Variants in CCDC15 observed in about 807,000 individuals in gnomAD.
CCDC15 encodes the protein coiled-coil domain-containing protein 15.
In CCDC15, 105 loss-of-function variants were observed where a neutral mutation model predicts 114.5. That is an observed-to-expected ratio of 0.92 (90% CI 0.78 to 1.08). The LOEUF (loss-of-function observed/expected upper bound fraction) is 1.08, where lower values mean the gene tolerates loss of function less well. Among genes scored for constraint, CCDC15 ranks in the 50% least tolerant of loss-of-function variants. CCDC15 has a pLI of 0.00. For missense variants in CCDC15, 1,105 were observed against 1,093.6 expected (o/e 1.01, Z -0.15); for synonymous variants, 334 against 377.8 (o/e 0.88, Z 1.34).
At chr11:124,990,241 A>G (rs2135489700) in intron 8 of CCDC15, among the ~76,000 whole-genome samples, 1 of 152,292 alleles carries the variant, frequency 6.6e-6, no homozygotes, top group South Asian at 2.1e-4. Context: ...AACAGTGAGA[A>G]CACACACAAC....
intron 4 of CCDC15, among the ~76,000 whole-genome samples, chr11:124,974,223 C>T (rs12281295): frequency 0.2 from 30,858 of 152,018 alleles, 3,715 homozygotes; most frequent in African/African-American, 0.33. Context: ...TCAGGTGATC[C>T]GCCTGCCTTG....
chr11:124,954,546 C>T (rs1315908799), intron 1 of CCDC15, among the ~76,000 whole-genome samples, 176 bp downstream of exon 1: 1 of 152,182 alleles, frequency 6.6e-6, no homozygotes, highest in African/African-American at 2.4e-5. Context: ...TTATTTCTTC[C>T]CATTTCTCTT....
chr11:125,003,152 CTGTAAA>C (rs902432184), intron 11 of CCDC15, among the ~76,000 whole-genome samples: 7 of 151,970 alleles, frequency 4.6e-5, no homozygotes, highest in Admixed American at 2.6e-4. Flanking sequence ...TTTGAAGATA[CTGTAAA>C]TGTAAATTTT....
chr11:124,958,890 C>T (rs1055342021), intron 2 of CCDC15, among the ~76,000 whole-genome samples: 12 of 151,980 alleles, frequency 7.9e-5, no homozygotes, highest in Admixed American at 3.3e-4. Flanking sequence ...AAATGTGTAA[C>T]GTGTTAGGTT....
intron 4 of CCDC15, among the ~76,000 whole-genome samples, chr11:124,968,200 G>C (rs1403662665): frequency 2.0e-5 from 3 of 152,196 alleles, no homozygotes; most frequent in African/African-American, 7.2e-5. Context: ...TGTCAGACAG[G>C]GACGTTTAAG....
Position 124,975,147 on chromosome 11 carries a change from G to A in CCDC15, c.568G>A (p.Val190Met), listed in dbSNP as rs1166271506. ...TCACCGGCTAGCATCCTTTAAAACCGTGATTAAAAAAAAGGGATCAGTGTT... is the reference window on the plus strand; with the variant it reads ...TCACCGGCTAGCATCCTTTAAAACCATGATTAAAAAAAAGGGATCAGTGTT... ...ARHRLASFKT[V>M]IKKKGSVFPD... Residue 190 changes from valine to methionine, a missense_variant, in exon 5 of 16, where the codon GTG becomes ATG. By Grantham distance (21) the Val-to-Met change is conservative. Transcript: ENST00000344762. 3 of 1,599,028 alleles carry A rather than the reference G, an allele frequency of 1.9e-6. No homozygotes were observed. Among genetic ancestry groups the A allele is most frequent in the Non-Finnish European group, 2.6e-6 (3 of 1,173,914 alleles).
chr11:124,974,766 GTGTC>G (rs1190302604), intron 4 of CCDC15, among the ~76,000 whole-genome samples: 1 of 152,212 alleles, frequency 6.6e-6, no homozygotes, highest in Non-Finnish European at 1.5e-5. Context: ...GGTAAGGAAT[GTGTC>G]TGGTCAGTGA....
At chr11:124,988,314 A>G (rs973859369) in intron 8 of CCDC15, among the ~76,000 whole-genome samples, 180 bp downstream of exon 8, 7 of 152,262 alleles carry the variant, frequency 4.6e-5, no homozygotes, top group Non-Finnish European at 8.8e-5. Context: ...CCCAGTACAT[A>G]TAAAAGTTAT....
intron 11 of CCDC15, 145 bp downstream of exon 11, chr11:124,993,388 G>A: frequency 1.6e-6 from 1 of 620,112 alleles, no homozygotes; most frequent in South Asian, 2.0e-5. Flanking sequence ...TAGTGTTAAG[G>A]TTAGTAATAA....
chr11:124,998,701 A>G (rs1022040018), intron 11 of CCDC15, among the ~76,000 whole-genome samples: 1 of 149,594 alleles, frequency 6.7e-6, no homozygotes, highest in African/African-American at 2.5e-5. Flanking sequence ...TCCAATAATC[A>G]TACATGTTTT....
At chr11:124,956,977 A>G (rs1947563470) in intron 2 of CCDC15, among the ~76,000 whole-genome samples, 1 of 152,206 alleles carries the variant, frequency 6.6e-6, no homozygotes, top group East Asian at 1.9e-4. Flanking sequence ...ATAGCTTTAG[A>G]CTACCTCCCC....
chr11:125,000,551 G>A (rs1948462956), intron 11 of CCDC15, among the ~76,000 whole-genome samples: 1 of 152,146 alleles, frequency 6.6e-6, no homozygotes, highest in African/African-American at 2.4e-5. Flanking sequence ...CCCATAGTGT[G>A]CTTCGTCATT....
chr11:125,034,517 G>A (rs1190052698), intron 13 of CCDC15, among the ~76,000 whole-genome samples: 1 of 152,164 alleles, frequency 6.6e-6, no homozygotes, highest in Non-Finnish European at 1.5e-5. Context: ...TCTGAAGCCA[G>A]GAGTTAGCAT....
intron 13 of CCDC15, among the ~76,000 whole-genome samples, chr11:125,026,240 C>T (rs758119559): frequency 4.6e-5 from 7 of 152,174 alleles, no homozygotes; most frequent in Admixed American, 2.6e-4. Flanking sequence ...AACTGAAGTT[C>T]CAACCACCTG....
At chr11:124,989,858 G>C (rs1948239546) in intron 8 of CCDC15, among the ~76,000 whole-genome samples, 1 of 152,226 alleles carries the variant, frequency 6.6e-6, no homozygotes, top group South Asian at 2.1e-4. Flanking sequence ...TTGGCTTAAG[G>C]AGCTGTTGTG....
At chr11:124,975,278 T>C in intron 5 of CCDC15, 69 bp downstream of exon 5, 1 of 930,954 alleles carries the variant, frequency 1.1e-6, no homozygotes, top group Non-Finnish European at 1.6e-6. Flanking sequence ...TTTACTTATA[T>C]CTCAGCATAA....
rs12285583 is a variant in CCDC15 at position 125,021,729 on chromosome 11, C to T, written c.2411+16517C>T. Among the ~76,000 whole-genome samples the T allele has an allele frequency of 7.3e-5, 11 of 151,722 alleles. No individual in the cohort carries two copies. The East Asian group carries it at 1.4e-3, about 19-fold the overall frequency. ...ACCAAAAGAGGGACGGGGCTGACTC[C>T]GTCTTTTCTAGTAACCATTCTGTTA... On this transcript the variant is annotated intron_variant, in intron 13 of 15. Coordinates refer to ENST00000344762, the MANE Select transcript of CCDC15 (RefSeq NM_025004.3).
intron 14 of CCDC15, 117 bp downstream of exon 14, chr11:125,038,721 G>A: frequency 8.2e-7 from 1 of 1,218,500 alleles, no homozygotes; most frequent in Non-Finnish European, 1.1e-6. Flanking sequence ...TCCTCATTTA[G>A]GAGTTCATAA....
chr11:124,963,833 A>T (rs1206938148), intron 4 of CCDC15, among the ~76,000 whole-genome samples: 3 of 152,170 alleles, frequency 2.0e-5, no homozygotes. Context: ...GGTGTAAGGA[A>T]GGGATCCAGT....
Sources: gnomAD v4.1 joint callset for allele counts (sites outside exome capture counted in the v4.1 genomes callset) on GRCh38, gnomAD v4.1.1 for gene constraint, MANE v1.5 for transcripts, NCBI Gene and HGNC (gene_info 2026-07-23, HGNC 2026-07-21) for gene names.